Variants in DAPK1 observed in about 807,000 individuals in gnomAD.
The protein encoded by DAPK1 is death-associated protein kinase 1.
DAPK1 carries 56 observed loss-of-function variants against 144.9 expected under a neutral mutation model. That is an observed-to-expected ratio of 0.39 (90% CI 0.31 to 0.48). The LOEUF (loss-of-function observed/expected upper bound fraction) is 0.48. Ranked by LOEUF, DAPK1 falls within the 20% of genes least tolerant of loss-of-function variation. The pLI, the probability that DAPK1 is intolerant of heterozygous loss-of-function variation, is 0.95. For missense variants in DAPK1, 1,454 were observed against 1,875.4 expected (o/e 0.78, Z 4.15); for synonymous variants, 690 against 749.0 (o/e 0.92, Z 1.29).
chr9:87,692,909 AT>A (rs1246068508), intron 21 of DAPK1, among the ~76,000 whole-genome samples: 1 of 138,018 alleles, frequency 7.2e-6, no homozygotes, highest in East Asian at 2.1e-4. Context: ...CTGCTGAGAA[AT>A]CTGCTGTGAG....
At chr9:87,668,285 G>A (rs961416633) in intron 18 of DAPK1, among the ~76,000 whole-genome samples, 1 of 152,178 alleles carries the variant, frequency 6.6e-6, no homozygotes, top group Non-Finnish European at 1.5e-5. Flanking sequence ...AGGGGTTCAG[G>A]ACAGGGAGGA....
chr9:87,643,363 TTTTA>T lies in DAPK1; in HGVS notation c.919-12_919-9del. On this transcript the variant is annotated splice_polypyrimidine_tract_variant and intron_variant, in intron 10 of 25. Coordinates refer to ENST00000408954, the MANE Select transcript of DAPK1 (RefSeq NM_004938.4). ...CCGCCCTCCCTTTTTTTTTTTTTTTTTTTAAAAAAAAGCAATCCGTTCGCTTGAT... is the reference window on the plus strand; with the variant it reads ...CCGCCCTCCCTTTTTTTTTTTTTTTTAAAAAAAGCAATCCGTTCGCTTGAT... The T allele has an allele frequency of 2.6e-6, 4 of 1,515,868 alleles. No homozygotes were observed. The highest frequency in any genetic ancestry group is 2.3e-5 in the East Asian group (1 of 43,344). The allele number at this position is 1,515,868 out of a possible 1,614,324, so 93.9% of individuals were successfully genotyped here.
intron 25 of DAPK1, among the ~76,000 whole-genome samples, chr9:87,705,245 T>TAA (rs1825598738): frequency 6.8e-6 from 1 of 147,238 alleles, no homozygotes; most frequent in Non-Finnish European, 1.5e-5. Flanking sequence ...AATTAATTTT[T>TAA]TTTTTTTTTT....
intron 2 of DAPK1, among the ~76,000 whole-genome samples, chr9:87,516,423 A>G (rs1335277136): frequency 2.6e-5 from 4 of 151,988 alleles, no homozygotes; most frequent in Admixed American, 2.0e-4. Context: ...AGGCCTCATG[A>G]GTCATGAGTC....
intron 2 of DAPK1, among the ~76,000 whole-genome samples, chr9:87,507,578 C>T (rs1195575919): frequency 6.6e-6 from 1 of 152,128 alleles, no homozygotes; most frequent in Non-Finnish European, 1.5e-5. Context: ...ATTCAGTAAC[C>T]TAACATATAA....
intron 24 of DAPK1, among the ~76,000 whole-genome samples, chr9:87,702,533 A>AGGAGGGAGGGAGGAAAAAG (rs1259649170): frequency 6.6e-6 from 1 of 152,142 alleles, no homozygotes; most frequent in Non-Finnish European, 1.5e-5. Context: ...GAGGGAAGAA[A>AGGAGGGAGGGAGGAAAAAG]GGAGGGAGGG....
intron 24 of DAPK1, 149 bp from the exon 25 acceptor site, chr9:87,702,880 A>G: frequency 1.7e-6 from 1 of 594,756 alleles, no homozygotes; most frequent in Non-Finnish European, 3.0e-6. Flanking sequence ...TAAAAAAAGA[A>G]AAAAAAACGT....
chr9:87,497,769 G>A (rs1479231076), upstream of DAPK1: 1 of 337,874 alleles, frequency 3.0e-6, no homozygotes, highest in African/African-American at 2.1e-5. Context: ...AGGGCAGCTC[G>A]GAGGTGGGTG....
Position 87,650,120 on chromosome 9 carries a change from T to C in DAPK1, c.1626+2T>C, listed in dbSNP as rs1830395695. On this transcript the variant is annotated splice_donor_variant, in intron 16 of 25. Transcript: ENST00000408954. LOFTEE classifies it high-confidence loss of function. ...GCCGACCTTAATGCTTGCGACAAGG[T>C]GCCTTATGGGGGAAGACTCATATGC... 1 of 1,613,888 alleles carries C rather than the reference T, an allele frequency of 6.2e-7. No homozygotes were observed.
intron 1 of DAPK1, chr9:87,498,451 A>G (rs1824266682): frequency 7.2e-6 from 2 of 276,548 alleles, no homozygotes; most frequent in Non-Finnish European, 1.3e-5. Context: ...GGGAGTCGCC[A>G]GGAATGTGGC....
chr9:87,604,592 G>A (rs909886328), intron 2 of DAPK1, among the ~76,000 whole-genome samples: 1 of 151,936 alleles, frequency 6.6e-6, no homozygotes, highest in African/African-American at 2.4e-5. Context: ...TCGTTTTTCA[G>A]GCTCAGAGAC....
intron 11 of DAPK1, among the ~76,000 whole-genome samples, chr9:87,645,067 C>T (rs1471486737): frequency 6.6e-6 from 1 of 152,134 alleles, no homozygotes; most frequent in Non-Finnish European, 1.5e-5. Flanking sequence ...CCATTCTCCC[C>T]CACAAGCAGA....
chr9:87,642,891 T>C (rs757983735), intron 10 of DAPK1, among the ~76,000 whole-genome samples: 2 of 152,244 alleles, frequency 1.3e-5, no homozygotes, highest in Non-Finnish European at 2.9e-5. Context: ...GTTTGTTCTA[T>C]AGACTAAGAG....
intron 18 of DAPK1, among the ~76,000 whole-genome samples, chr9:87,663,221 A>G (rs1830926968): frequency 6.6e-6 from 1 of 151,802 alleles, no homozygotes; most frequent in Admixed American, 6.6e-5. Context: ...CAGAGTCCCC[A>G]CTCACCTCCT....
intron 3 of DAPK1, among the ~76,000 whole-genome samples, chr9:87,618,894 G>A (rs940579964): frequency 5.3e-5 from 8 of 152,178 alleles, no homozygotes; most frequent in Admixed American, 2.6e-4. Context: ...TTAAAAGAGT[G>A]AATTGTATGG....
At chr9:87,544,227 T>A (rs1826155178) in intron 2 of DAPK1, among the ~76,000 whole-genome samples, 1 of 152,224 alleles carries the variant, frequency 6.6e-6, no homozygotes, top group Admixed American at 6.5e-5. Flanking sequence ...TGAATAAGTA[T>A]ATAAATATGT....
chr9:87,504,707 T>A (rs1168210898), intron 2 of DAPK1, among the ~76,000 whole-genome samples: 1 of 152,198 alleles, frequency 6.6e-6, no homozygotes, highest in Non-Finnish European at 1.5e-5. Flanking sequence ...CCAGGACCTC[T>A]GGGGACACCA....
intron 18 of DAPK1, among the ~76,000 whole-genome samples, chr9:87,662,644 T>C (rs1218140725): frequency 1.4e-5 from 2 of 147,520 alleles, no homozygotes; most frequent in Non-Finnish European, 3.0e-5. Flanking sequence ...CATTGGTATA[T>C]AGGAACTCTA....
Position 87,601,389 on chromosome 9 carries a change from C to T in DAPK1, c.63-3565C>T, listed in dbSNP as rs3739785. Among the ~76,000 whole-genome samples, 65 of 152,338 alleles carry T rather than the reference C, an allele frequency of 4.3e-4. No homozygotes were observed. The East Asian group carries it at 0.012, about 27-fold the overall frequency. ...AGCTCCCAAGGCCAGGGCCAGCCTG[C>T]CTGAGCAGTTATAAGTGGCAACACA... On this transcript the variant is annotated intron_variant, in intron 2 of 25. Coordinates refer to ENST00000408954, the MANE Select transcript of DAPK1 (RefSeq NM_004938.4).
Sources: gnomAD v4.1 joint callset for allele counts (sites outside exome capture counted in the v4.1 genomes callset) on GRCh38, gnomAD v4.1.1 for gene constraint, MANE v1.5 for transcripts, NCBI Gene and HGNC (gene_info 2026-07-23, HGNC 2026-07-21) for gene names.